Variants in ARHGAP18 observed in about 807,000 individuals in gnomAD.
The protein encoded by ARHGAP18 is rho GTPase-activating protein 18.
Under a neutral mutation model 86.2 loss-of-function variants are expected in ARHGAP18, and 67 were observed. That is an observed-to-expected ratio of 0.78 (90% CI 0.64 to 0.95). ARHGAP18 has a LOEUF of 0.95. Ranked by LOEUF, ARHGAP18 falls within the 40% of genes least tolerant of loss-of-function variation. ARHGAP18 has a pLI of 0.00. For missense variants in ARHGAP18, 691 were observed against 780.4 expected (o/e 0.89, Z 1.37); for synonymous variants, 283 against 280.4 (o/e 1.01, Z -0.09).
chr6:129,686,788 CTTTTTTTTTT>C (rs553951472), intron 1 of ARHGAP18, among the ~76,000 whole-genome samples: 3,296 of 117,524 alleles, frequency 0.028, 113 homozygotes, highest in Admixed American at 0.086. Flanking sequence ...CTAATAAAAC[CTTTTTTTTTT>C]TTTTTTTTTG....
chr6:129,709,917 C>A (rs1402894631), intron 1 of ARHGAP18, 107 bp downstream of exon 1: 5 of 852,236 alleles, frequency 5.9e-6, no homozygotes, highest in African/African-American at 5.0e-5. Context: ...CGAGCTCAGG[C>A]TCGACGTGCA....
rs1305624429 is a variant in ARHGAP18 at position 129,576,343 on chromosome 6, C to T, written c.*2170G>A. 1 of 152,140 alleles carries T rather than the reference C, an allele frequency of 6.6e-6. No individual in the cohort carries two copies. The highest frequency in any genetic ancestry group is 2.4e-5 in the African/African-American group (1 of 41,424). The allele number at this position is 152,140 out of a possible 1,614,324, so 9.4% of individuals were successfully genotyped here. On this transcript the variant is annotated 3_prime_UTR_variant, in exon 15 of 15. Coordinates refer to ENST00000368149, the MANE Select transcript of ARHGAP18 (RefSeq NM_033515.3). ...AGGCATGGTGGCATGCACCTGTGGT[C>T]CTAGCTACTCACGAGGCTGAGGCAG...
At chr6:129,625,324 TGA>T (rs1336903546) in intron 5 of ARHGAP18, among the ~76,000 whole-genome samples, 21 of 83,162 alleles carry the variant, frequency 2.5e-4, no homozygotes, top group South Asian at 4.0e-4. Flanking sequence ...GTAATATATA[TGA>T]TATATGATAT....
intron 1 of ARHGAP18, among the ~76,000 whole-genome samples, chr6:129,685,463 CA>C (rs531917966): frequency 9.7e-4 from 147 of 151,894 alleles, no homozygotes; most frequent in Non-Finnish European, 1.3e-3. Flanking sequence ...GCTGAGATCA[CA>C]CCACTGCACT....
chr6:129,609,510 G>A (rs1388905096), intron 8 of ARHGAP18, among the ~76,000 whole-genome samples: 1 of 152,150 alleles, frequency 6.6e-6, no homozygotes. Flanking sequence ...GTGAGGGCCC[G>A]AGTGCTTTGA....
intron 1 of ARHGAP18, among the ~76,000 whole-genome samples, chr6:129,673,046 C>T (rs1158568106): frequency 6.6e-6 from 1 of 152,126 alleles, no homozygotes; most frequent in Admixed American, 6.5e-5. Context: ...CACTTCCTGC[C>T]CAGTTTCTTT....
intron 2 of ARHGAP18, among the ~76,000 whole-genome samples, chr6:129,639,586 C>T (rs957051714): frequency 1.3e-5 from 2 of 152,206 alleles, no homozygotes; most frequent in Non-Finnish European, 2.9e-5. Flanking sequence ...CTGAGATAGA[C>T]TGTATCACAT....
At chr6:129,611,502 A>T in intron 8 of ARHGAP18, 31 bp downstream of exon 8, 1 of 1,591,202 alleles carries the variant, frequency 6.3e-7, no homozygotes, top group Non-Finnish European at 8.6e-7. Context: ...TAAACAATAA[A>T]ATGTTTACAT....
intron 4 of ARHGAP18, 109 bp from the exon 5 acceptor site, chr6:129,629,631 T>C: frequency 8.9e-7 from 1 of 1,121,434 alleles, no homozygotes; most frequent in Non-Finnish European, 1.2e-6. Context: ...CTATTTTCTC[T>C]AGGCAATACT....
intron 9 of ARHGAP18, among the ~76,000 whole-genome samples, chr6:129,606,521 GC>G (rs543502453): frequency 2.3e-3 from 346 of 152,174 alleles, no homozygotes; most frequent in Non-Finnish European, 3.9e-3. Context: ...ATTTTCAGCA[GC>G]CCTTACCCCA....
intron 1 of ARHGAP18, among the ~76,000 whole-genome samples, chr6:129,668,637 T>A (rs1433743348): frequency 6.6e-6 from 1 of 152,144 alleles, no homozygotes. Context: ...CAGTACCAGC[T>A]GCCGGAGCCC....
chr6:129,617,314 A>C (rs1320557563), intron 6 of ARHGAP18, among the ~76,000 whole-genome samples: 1 of 152,208 alleles, frequency 6.6e-6, no homozygotes, highest in African/African-American at 2.4e-5. Context: ...TATGACGTAC[A>C]TCAGCATGGA....
intron 1 of ARHGAP18, among the ~76,000 whole-genome samples, chr6:129,677,024 G>T (rs1443405562): frequency 6.8e-6 from 1 of 146,186 alleles, no homozygotes; most frequent in Non-Finnish European, 1.5e-5. Context: ...TAAGATAAAT[G>T]GCAATGCCAG....
intron 1 of ARHGAP18, among the ~76,000 whole-genome samples, chr6:129,650,204 G>A (rs867320278): frequency 2.6e-5 from 4 of 151,974 alleles, no homozygotes; most frequent in Non-Finnish European, 5.9e-5. Flanking sequence ...GATCACAGGC[G>A]TGAGTCACTG....
At chr6:129,655,246 G>A (rs1773801772) in intron 1 of ARHGAP18, among the ~76,000 whole-genome samples, 1 of 148,014 alleles carries the variant, frequency 6.8e-6, no homozygotes, top group South Asian at 2.1e-4. Flanking sequence ...TTGAACCTGG[G>A]AGATGGAGGT....
intron 1 of ARHGAP18, among the ~76,000 whole-genome samples, chr6:129,657,372 T>C (rs1468428639): frequency 6.6e-6 from 1 of 151,974 alleles, no homozygotes; most frequent in East Asian, 1.9e-4. Flanking sequence ...AATTTGCATG[T>C]TTTCTTAATT....
rs1327113230 is a variant in ARHGAP18 at position 129,625,917 on chromosome 6, TATAGA to T, written c.786+3431_786+3435del. 6.9e-3 allele frequency among the ~76,000 whole-genome samples: 595 copies of T among 86,390 alleles called. 1 individual carries two copies. Among genetic ancestry groups the T allele is most frequent in the Non-Finnish European group, 0.011 (510 of 45,910 alleles). The allele number at this position is 86,390 out of a possible 152,430, so 56.7% of individuals were successfully genotyped here. ...TATTATATATTTATATATTATATATTATAGATATTTATATATTATATATTATATAT... is the reference window on the plus strand; with the variant it reads ...TATTATATATTTATATATTATATATTTATTTATATATTATATATTATATAT... On this transcript the variant is annotated intron_variant, in intron 5 of 14. Transcript: ENST00000368149.
intron 1 of ARHGAP18, among the ~76,000 whole-genome samples, chr6:129,676,851 G>C (rs1774239435): frequency 7.4e-6 from 1 of 135,996 alleles, no homozygotes; most frequent in African/African-American, 2.7e-5. Flanking sequence ...CAAGGTAAAA[G>C]TAATATCCTT....
chr6:129,681,566 TACC>T (rs1774325151), intron 1 of ARHGAP18, among the ~76,000 whole-genome samples: 1 of 152,230 alleles, frequency 6.6e-6, no homozygotes, highest in South Asian at 2.1e-4. Flanking sequence ...AGAATAAAAA[TACC>T]ACATCATATA....
Sources: gnomAD v4.1 joint callset for allele counts (sites outside exome capture counted in the v4.1 genomes callset) on GRCh38, gnomAD v4.1.1 for gene constraint, MANE v1.5 for transcripts, NCBI Gene and HGNC (gene_info 2026-07-23, HGNC 2026-07-21) for gene names.